Variants in CACNA1D observed in about 807,000 individuals in gnomAD.
CACNA1D encodes the protein voltage-dependent L-type calcium channel subunit alpha-1D.
CACNA1D carries 55 observed loss-of-function variants against 257.1 expected under a neutral mutation model. The ratio of observed to expected loss-of-function variants is 0.21; its 90% CI spans 0.17 to 0.27. The LOEUF (loss-of-function observed/expected upper bound fraction) is 0.27. CACNA1D is among the 10% of genes least tolerant of loss of function. The probability of loss-of-function intolerance (pLI) is 1.00; values close to 1 mark genes in which losing one functional copy is unlikely to be tolerated. For synonymous variants in CACNA1D, 980 were observed against 1,014.9 expected (o/e 0.97, Z 0.65); for missense variants, 1,876 against 2,784.0 (o/e 0.67, Z 7.34).
chr3:53,756,418 A>G (rs958059891), intron 29 of CACNA1D, among the ~76,000 whole-genome samples: 1 of 152,208 alleles, frequency 6.6e-6, no homozygotes, highest in Admixed American at 6.5e-5. Flanking sequence ...GGAAGAGGCC[A>G]TCTCACCTCA....
chr3:53,548,352 C>CT (rs34313562), intron 3 of CACNA1D, among the ~76,000 whole-genome samples: 3,456 of 71,520 alleles, frequency 0.048, 90 homozygotes, highest in African/African-American at 0.12. Flanking sequence ...AGCAACAAAG[C>CT]TTTTTTTTTT....
At chr3:53,794,161 C>A (rs2095497321) in intron 40 of CACNA1D, among the ~76,000 whole-genome samples, 2 of 152,198 alleles carry the variant, frequency 1.3e-5, no homozygotes, top group Admixed American at 6.5e-5. Context: ...AGAAGAAAGA[C>A]TGCAAAGAAG....
chr3:53,605,375 G>C (rs1323878476), intron 3 of CACNA1D, among the ~76,000 whole-genome samples: 2 of 152,198 alleles, frequency 1.3e-5, no homozygotes, highest in East Asian at 1.9e-4. Flanking sequence ...TGAGTGGAAG[G>C]CTCCTAGGTT....
Position 53,723,816 on chromosome 3 carries a change from A to G in CACNA1D, c.1917A>G (p.Leu639=). ...VTRHWTSLSN[L]VASLLNSMKS... Reference sequence around the variant, plus strand: ...GGCACTGGACTTCCCTGAGCAACTTAGTGGCATCCTTATTAAACTCCATGA... The same window carrying G: ...GGCACTGGACTTCCCTGAGCAACTTGGTGGCATCCTTATTAAACTCCATGA... Residue 639 remains leucine, a synonymous_variant, in exon 14 of 48, where the codon TTA becomes TTG. Coordinates refer to ENST00000350061, the MANE Select transcript of CACNA1D (RefSeq NM_001128840.3). This position sits in a 1 kb window ranked among gnomAD's most constrained non-coding sequence, Gnocchi z 5.6. The G allele has an allele frequency of 1.2e-6, 2 of 1,614,112 alleles. No individual in the cohort carries two copies.
At chr3:53,645,908 G>A (rs1258365153) in intron 3 of CACNA1D, among the ~76,000 whole-genome samples, 2 of 152,196 alleles carry the variant, frequency 1.3e-5, no homozygotes, top group Non-Finnish European at 2.9e-5. Context: ...GTGGCCCAGG[G>A]CCACAGCATG....
intron 8 of CACNA1D, among the ~76,000 whole-genome samples, chr3:53,681,092 C>T (rs766006941): frequency 2.6e-5 from 4 of 152,180 alleles, no homozygotes; most frequent in Non-Finnish European, 4.4e-5. Context: ...ACTGTTCCTG[C>T]CCTGGTGTGT....
chr3:53,507,039 C>T (rs373791551), intron 3 of CACNA1D, among the ~76,000 whole-genome samples: 52 of 137,060 alleles, frequency 3.8e-4, no homozygotes, highest in Admixed American at 1.2e-3. Flanking sequence ...AGCCACTGCA[C>T]TCTAGCCTGG....
chr3:53,739,324 C>G (rs1212811031), intron 20 of CACNA1D, among the ~76,000 whole-genome samples: 2 of 152,228 alleles, frequency 1.3e-5, no homozygotes, highest in Non-Finnish European at 2.9e-5. Flanking sequence ...TCAGTTCTTT[C>G]AAAACCATAG....
intron 3 of CACNA1D, among the ~76,000 whole-genome samples, chr3:53,579,604 T>G (rs771239013): frequency 1.3e-5 from 2 of 152,200 alleles, no homozygotes; most frequent in Non-Finnish European, 2.9e-5. Flanking sequence ...CACATAGAAA[T>G]GAACAAAACT....
At chr3:53,571,995 A>C (rs2107692266) in intron 3 of CACNA1D, among the ~76,000 whole-genome samples, 1 of 152,370 alleles carries the variant, frequency 6.6e-6, no homozygotes, top group Non-Finnish European at 1.5e-5. Flanking sequence ...CTGGTTTTAC[A>C]AATGAGAAAA....
intron 7 of CACNA1D, among the ~76,000 whole-genome samples, chr3:53,670,262 A>G (rs1035311921): frequency 7.9e-5 from 12 of 152,218 alleles, no homozygotes; most frequent in African/African-American, 2.9e-4. Context: ...CCAAGTTTCC[A>G]GAAGTGTTTT....
In CACNA1D at chr3:53,497,046, T is replaced by C. The variant is rs554379312; in HGVS notation, c.68-106T>C. 101 of 848,042 alleles carry C rather than the reference T, an allele frequency of 1.2e-4. 2 individuals are homozygous for C. The South Asian group carries it at 1.4e-3, about 12-fold the overall frequency. The allele number at this position is 848,042 out of a possible 1,614,324, so 52.5% of individuals were successfully genotyped here. A position where few individuals can be genotyped will look rare whatever the true frequency, so the allele number is the denominator to read the frequency against. ...GAGATTCAAAATGGAAACATAGGAG[T>C]GAATGATTCCCCTGTTATTGATGGG... On this transcript the variant is annotated intron_variant, in intron 1 of 47. Transcript: ENST00000350061.
chr3:53,808,980 T>C lies in CACNA1D; in HGVS notation c.5871+210T>C, dbSNP rs567540371. ...GCTCACACAAGTGACTGCTGGCATT[T>C]GAATCCAGGGAGCCAGCTGCCAAAG... On this transcript the variant is annotated intron_variant, in intron 46 of 47. Coordinates refer to ENST00000350061, the MANE Select transcript of CACNA1D (RefSeq NM_001128840.3). 1.5e-5 allele frequency: 9 copies of C among 598,600 alleles called. No individual in the cohort carries two copies. In the South Asian group the frequency reaches 1.9e-4, roughly 12 times the overall value. The allele number at this position is 598,600 out of a possible 1,614,324, so 37.1% of individuals were successfully genotyped here.
rs2093412328 is a variant in CACNA1D, at chr3:53,599,315, A to T, written c.484-51464A>T. Among the ~76,000 whole-genome samples, 3 of 152,188 alleles carry T rather than the reference A, an allele frequency of 2.0e-5. No individual in the cohort carries two copies. The South Asian group carries it at 6.2e-4, about 31-fold the overall frequency. ...TTTTAACCACTATAAACCATGTTGC[A>T]TTGAGCATCTTGGGGTAGCAAAATC... On this transcript the variant is annotated intron_variant, in intron 3 of 47. Coordinates refer to ENST00000350061, the MANE Select transcript of CACNA1D (RefSeq NM_001128840.3).
chr3:53,667,374 G>A (rs772143253), intron 7 of CACNA1D, among the ~76,000 whole-genome samples: 3 of 151,322 alleles, frequency 2.0e-5, no homozygotes, highest in Non-Finnish European at 4.4e-5. Context: ...TGTTTTTCAC[G>A]GTATAAGAGT....
At chr3:53,638,219 T>C (rs886403091) in intron 3 of CACNA1D, among the ~76,000 whole-genome samples, 4 of 152,218 alleles carry the variant, frequency 2.6e-5, no homozygotes, top group Non-Finnish European at 4.4e-5. Flanking sequence ...CTTCTGACTG[T>C]TCTGTCTATA....
rs529670362 is a variant in CACNA1D at position 53,638,069 on chromosome 3, T to C, written c.484-12710T>C. Among the ~76,000 whole-genome samples, 41 of 152,340 alleles carry C rather than the reference T, an allele frequency of 2.7e-4. No individual in the cohort carries two copies. In the South Asian group the frequency reaches 6.6e-3, roughly 25 times the overall value. On this transcript the variant is annotated intron_variant, in intron 3 of 47. Transcript: ENST00000350061. ...TCAGTGGGAAAATGGTGTCCATACA[T>C]TGGAGACGTTCGTATGAAAGAGTAG...
rs148464470 is a variant in CACNA1D, at chr3:53,663,873, C to G, written c.767-1787C>G. Among the ~76,000 whole-genome samples the G allele has an allele frequency of 8.5e-4, 130 of 152,162 alleles. 1 individual carries two copies. The East Asian group carries it at 0.019, about 23-fold the overall frequency. The stretch of plus-strand genomic sequence containing the variant: ...CTCCACCTCCCAGGTTCAAGTGATT[C>G]CCCCACCTCAGTCTCCCGAGTAGCT... On this transcript the variant is annotated intron_variant, in intron 5 of 47. Coordinates refer to ENST00000350061, the MANE Select transcript of CACNA1D (RefSeq NM_001128840.3).
chr3:53,684,730 T>C (rs1161309585), intron 8 of CACNA1D, among the ~76,000 whole-genome samples: 1 of 151,882 alleles, frequency 6.6e-6, no homozygotes, highest in African/African-American at 2.4e-5. Flanking sequence ...CAAGGTATTA[T>C]GGGAACTGTA....
Sources: allele counts gnomAD v4.1 joint callset (sites outside exome capture counted in the v4.1 genomes callset), GRCh38; gene constraint gnomAD v4.1.1; non-coding constraint Gnocchi (gnomAD v3.1); transcripts MANE v1.5; gene names NCBI Gene and HGNC (gene_info 2026-07-23, HGNC 2026-07-21).